The following LANCL2 variants were observed in gnomAD, a reference collection of about 807,000 sequenced individuals.
LANCL2 encodes LanC like glutathione S-transferase 2, also known as lanC-like protein 2.
A neutral mutation model predicts 56.9 loss-of-function variants in LANCL2; 33 were observed. That is an observed-to-expected ratio of 0.58 (90% CI 0.44 to 0.78). The LOEUF (loss-of-function observed/expected upper bound fraction) is 0.78. Among genes scored for constraint, LANCL2 ranks in the 30% least tolerant of loss-of-function variants. LANCL2 has a pLI of 0.00. For missense variants in LANCL2, 562 were observed against 580.2 expected (o/e 0.97, Z 0.32); for synonymous variants, 233 against 228.2 (o/e 1.02, Z -0.19).
Position 55,433,589 on chromosome 7 carries a change from A to T in LANCL2, c.*2269A>T, listed in dbSNP as rs1025142413. ...TTCATTTCTTAGATTTGTATTCACA[A>T]TTGTGTTCTCTAAAATGTGTCTAAA... On this transcript the variant is annotated 3_prime_UTR_variant, in exon 9 of 9. Transcript: ENST00000254770. 5 of 152,254 alleles carry T rather than the reference A, an allele frequency of 3.3e-5. No individual in the cohort carries two copies. The highest frequency in any genetic ancestry group is 7.3e-5 in the Non-Finnish European group (5 of 68,046). 9.4% of individuals were successfully genotyped at this position (152,254 alleles called of 1,614,324 possible).
At position 55,365,673 on chromosome 7, in the gene LANCL2, T is replaced by G; in HGVS notation, c.-353T>G. ...CACCCCGGGACTCCAGCCCCGGCCG[T>G]GCGCGTCGCCGCGGACGGGCTCTGC... On this transcript the variant is annotated 5_prime_UTR_variant, in exon 1 of 9. Transcript: ENST00000254770. 1.1e-5 allele frequency: 2 copies of G among 186,630 alleles called. No individual in the cohort carries two copies. The highest frequency in any genetic ancestry group is 2.2e-5 in the Non-Finnish European group (2 of 90,872). 11.6% of individuals were successfully genotyped at this position (186,630 alleles called of 1,614,324 possible).
chr7:55,366,556 C>T (rs1331576647), intron 1 of LANCL2, among the ~76,000 whole-genome samples: 2 of 152,118 alleles, frequency 1.3e-5, no homozygotes, highest in Non-Finnish European at 2.9e-5. Context: ...CCTCCCGCCC[C>T]TGCGCGGCGG....
chr7:55,391,284 C>T (rs1319582172), intron 1 of LANCL2, among the ~76,000 whole-genome samples: 1 of 152,114 alleles, frequency 6.6e-6, no homozygotes, highest in Non-Finnish European at 1.5e-5. Flanking sequence ...TCCCAAAGTG[C>T]TGGGATTACA....
In LANCL2 at chr7:55,390,398, G is replaced by A. The variant is rs1047421961; in HGVS notation, c.205-1395G>A. On this transcript the variant is annotated intron_variant, in intron 1 of 8. Transcript: ENST00000254770. ...AGGTGGGTGGATCACTTGAGGTCAG[G>A]TGTTCAAGACCAGCCTGGCCAACAT... 2.6e-5 allele frequency among the ~76,000 whole-genome samples: 4 copies of A among 152,164 alleles called. No individual in the cohort carries two copies. In the South Asian group the frequency reaches 8.3e-4, roughly 32 times the overall value.
At chr7:55,382,446 T>C (rs1489541925) in intron 1 of LANCL2, among the ~76,000 whole-genome samples, 1 of 152,208 alleles carries the variant, frequency 6.6e-6, no homozygotes, top group Non-Finnish European at 1.5e-5. Flanking sequence ...AGAGCTGCCT[T>C]ATCAAGACGG....
chr7:55,419,915 A>G lies in LANCL2; in HGVS notation c.1009-5339A>G, dbSNP rs1027820057. On this transcript the variant is annotated intron_variant, in intron 6 of 8. Coordinates refer to ENST00000254770, the MANE Select transcript of LANCL2 (RefSeq NM_018697.4). Reference sequence around the variant, plus strand: ...ACTTCTATAATTCCAGCACTTTTGGAGGCCAAGGTGGAGGATAGCTTGAGG... The same window carrying G: ...ACTTCTATAATTCCAGCACTTTTGGGGGCCAAGGTGGAGGATAGCTTGAGG... Among the ~76,000 whole-genome samples, 14 of 152,056 alleles carry G rather than the reference A, an allele frequency of 9.2e-5. No individual in the cohort carries two copies. In the East Asian group the frequency reaches 2.7e-3, roughly 29 times the overall value.
intron 1 of LANCL2, among the ~76,000 whole-genome samples, chr7:55,369,176 A>C (rs954726103): frequency 6.6e-6 from 1 of 152,194 alleles, no homozygotes; most frequent in Admixed American, 6.5e-5. Flanking sequence ...CTCCAGAACT[A>C]TGAGAAAATA....
rs1487343870 is a variant in LANCL2, at chr7:55,380,909, T to C, written c.205-10884T>C. On this transcript the variant is annotated intron_variant, in intron 1 of 8. Transcript: ENST00000254770. Reference sequence around the variant, plus strand: ...TTTTGAGATGGTGTTTTGCTCTTTTTCGCCCAGGCTGGATTGCAGTGGTGC... The same window carrying C: ...TTTTGAGATGGTGTTTTGCTCTTTTCCGCCCAGGCTGGATTGCAGTGGTGC... 1.1e-3 allele frequency among the ~76,000 whole-genome samples: 172 copies of C among 151,376 alleles called. 3 individuals are homozygous for C. Among genetic ancestry groups the C allele is most frequent in the Admixed American group, 0.011 (172 of 15,178 alleles).
chr7:55,403,762 G>A (rs1026413149), intron 5 of LANCL2, among the ~76,000 whole-genome samples: 1 of 151,740 alleles, frequency 6.6e-6, no homozygotes, highest in Non-Finnish European at 1.5e-5. Context: ...AGTAGAGACG[G>A]GGTTTCACCA....
intron 2 of LANCL2, chr7:55,394,176 T>C (rs1353349992): frequency 6.6e-6 from 1 of 152,180 alleles, no homozygotes; most frequent in African/African-American, 2.4e-5. Flanking sequence ...GGAATCATCA[T>C]GGAAGTATTT....
At chr7:55,410,824 G>C (rs1357299314) in intron 5 of LANCL2, among the ~76,000 whole-genome samples, 2 of 152,158 alleles carry the variant, frequency 1.3e-5, no homozygotes, top group South Asian at 2.1e-4. Flanking sequence ...TCACCCTAAA[G>C]ACATTGTGTG....
chr7:55,414,841 G>T (rs569120859), intron 6 of LANCL2, among the ~76,000 whole-genome samples: 3 of 151,914 alleles, frequency 2.0e-5, no homozygotes, highest in African/African-American at 7.2e-5. Context: ...AAAATTATCT[G>T]GGTGTGGTGG....
chr7:55,414,818 A>G (rs1790508099), intron 6 of LANCL2, among the ~76,000 whole-genome samples: 1 of 149,946 alleles, frequency 6.7e-6, no homozygotes, highest in East Asian at 1.9e-4. Flanking sequence ...TGTCTCTACT[A>G]AAAAAAAATA....
chr7:55,388,627 T>G (rs1247089452), intron 1 of LANCL2, among the ~76,000 whole-genome samples: 1 of 152,222 alleles, frequency 6.6e-6, no homozygotes, highest in East Asian at 1.9e-4. Flanking sequence ...GGCCAGTCCC[T>G]TTACTACTTT....
chr7:55,421,192 G>T (rs1415370362), intron 6 of LANCL2, among the ~76,000 whole-genome samples: 1 of 150,504 alleles, frequency 6.6e-6, no homozygotes, highest in Non-Finnish European at 1.5e-5. Context: ...TATTGATGTG[G>T]TTGGATTCAG....
In LANCL2 at chr7:55,403,708, A is replaced by T. The variant is rs140850442; in HGVS notation, c.825+2388A>T. On this transcript the variant is annotated intron_variant, in intron 5 of 8. Coordinates refer to ENST00000254770, the MANE Select transcript of LANCL2 (RefSeq NM_018697.4). The stretch of plus-strand genomic sequence containing the variant: ...TGCCTCAGCCACCCGAGCAGCTGGG[A>T]CTACAGGCGCGCACTACCACCTCCA... 1.6e-4 allele frequency among the ~76,000 whole-genome samples: 24 copies of T among 151,190 alleles called. No individual in the cohort carries two copies. In the East Asian group the frequency reaches 4.3e-3, roughly 27 times the overall value.
intron 6 of LANCL2, among the ~76,000 whole-genome samples, chr7:55,417,861 TAG>T (rs955670793): frequency 7.2e-5 from 11 of 151,968 alleles, no homozygotes; most frequent in Non-Finnish European, 1.6e-4. Context: ...GTATTTTTAG[TAG>T]AGACGGGGGT....
intron 8 of LANCL2, among the ~76,000 whole-genome samples, chr7:55,429,872 T>C (rs1412969944): frequency 6.6e-6 from 1 of 152,226 alleles, no homozygotes; most frequent in Non-Finnish European, 1.5e-5. Flanking sequence ...GACAGAACTG[T>C]GGGGGACTCT....
At chr7:55,396,161 C>A (rs1202479455) in intron 2 of LANCL2, among the ~76,000 whole-genome samples, 1 of 152,000 alleles carries the variant, frequency 6.6e-6, no homozygotes, top group Non-Finnish European at 1.5e-5. Context: ...TCAGTGTGGG[C>A]AAGCCAGAGA....
Sources: allele counts gnomAD v4.1 joint callset (sites outside exome capture counted in the v4.1 genomes callset), GRCh38; gene constraint gnomAD v4.1.1; transcripts MANE v1.5; gene names NCBI Gene and HGNC (gene_info 2026-07-23, HGNC 2026-07-21).